PXDNL: variants seen among roughly 807,000 people sequenced by gnomAD.
PXDNL encodes peroxidasin like.
A neutral mutation model predicts 150.8 loss-of-function variants in PXDNL; 145 were observed. That is an observed-to-expected ratio of 0.96 (90% CI 0.84 to 1.10). The LOEUF is 1.10. PXDNL is among the 50% of genes least tolerant of loss of function. The pLI, the probability that PXDNL is intolerant of heterozygous loss-of-function variation, is 0.00. For missense variants in PXDNL, 2,087 were observed against 1,873.9 expected, an observed-to-expected ratio of 1.11 and a Z score of -2.10; for synonymous variants, 757 against 725.7, an observed-to-expected ratio of 1.04 and a Z score of -0.69.
At chr8:51,492,720 T>C (rs752990179) in intron 5 of PXDNL, among the ~76,000 whole-genome samples, 3 of 151,844 alleles carry the variant, frequency 2.0e-5, no homozygotes, top group Non-Finnish European at 2.9e-5. Context: ...TGCAAGGAGG[T>C]AGTGAGGCTG....
chr8:51,497,968 A>G (rs909698422), intron 5 of PXDNL, among the ~76,000 whole-genome samples: 10 of 152,324 alleles, frequency 6.6e-5, no homozygotes, highest in Admixed American at 6.5e-4. Context: ...GCTGCTATAA[A>G]GACACATGCA....
At chr8:51,414,905 T>C (rs1165015772) in intron 14 of PXDNL, among the ~76,000 whole-genome samples, 2 of 152,198 alleles carry the variant, frequency 1.3e-5, no homozygotes, top group Non-Finnish European at 2.9e-5. Flanking sequence ...AAAGTGTCAA[T>C]GAACTACCAT....
intron 2 of PXDNL, among the ~76,000 whole-genome samples, chr8:51,651,133 T>C (rs1276253716): frequency 6.6e-6 from 1 of 152,336 alleles, no homozygotes; most frequent in African/African-American, 2.4e-5. Flanking sequence ...CATTTAACAA[T>C]AATATTAATA....
chr8:51,551,368 C>A (rs1343777603), intron 4 of PXDNL, among the ~76,000 whole-genome samples: 1 of 151,920 alleles, frequency 6.6e-6, no homozygotes, highest in Non-Finnish European at 1.5e-5. Flanking sequence ...CCCACAAAAG[C>A]AAGACTAAGC....
At chr8:51,608,400 A>AAAG (rs57919263) in intron 2 of PXDNL, among the ~76,000 whole-genome samples, 2,032 of 143,038 alleles carry the variant, frequency 0.014, 104 homozygotes, top group African/African-American at 0.053. Context: ...AAAAAAAAAA[A>AAAG]AAAGAAAGAA....
chr8:51,797,496 G>A (rs755516999), intron 1 of PXDNL, among the ~76,000 whole-genome samples: 21 of 152,190 alleles, frequency 1.4e-4, no homozygotes, highest in Non-Finnish European at 2.4e-4. Context: ...CAAAGTCAAT[G>A]TGCAAAAATC....
intron 17 of PXDNL, among the ~76,000 whole-genome samples, chr8:51,392,936 A>G (rs2130843818): frequency 6.6e-6 from 1 of 152,346 alleles, no homozygotes; most frequent in African/African-American, 2.4e-5. Context: ...ATTAGAGAGT[A>G]CACTATTGGG....
At chr8:51,754,815 G>A (rs1028281781) in intron 1 of PXDNL, among the ~76,000 whole-genome samples, 6 of 152,038 alleles carry the variant, frequency 3.9e-5, no homozygotes, top group Admixed American at 6.6e-5. Context: ...AAGTCAAGTC[G>A]TTTCTGACAG....
At chr8:51,533,534 C>T (rs1285166334) in intron 4 of PXDNL, among the ~76,000 whole-genome samples, 4 of 141,892 alleles carry the variant, frequency 2.8e-5, no homozygotes, top group Non-Finnish European at 4.5e-5. Context: ...CGGTCTCCCT[C>T]TGATGCCGAG....
intron 2 of PXDNL, among the ~76,000 whole-genome samples, chr8:51,611,378 G>A (rs1813996214): frequency 1.3e-5 from 2 of 152,154 alleles, no homozygotes; most frequent in African/African-American, 4.8e-5. Context: ...TTTTTTAAGT[G>A]GGATGGTAGT....
rs540543770 is a variant in PXDNL at position 51,408,010 on chromosome 8, T to G, written c.3557+57A>C. 1.0e-5 allele frequency: 15 copies of G among 1,459,236 alleles called. No homozygotes were observed. In the South Asian group the frequency reaches 2.1e-4, roughly 21 times the overall value. 90.4% of individuals were successfully genotyped at this position (1,459,236 alleles called of 1,614,324 possible). A position where few individuals can be genotyped will look rare whatever the true frequency, so the allele number is the denominator to read the frequency against. ...AATTCCAGCCACACAAAATGACCTT[T>G]AACACTTTTACCTCTCCTAAGAAAT... On this transcript the variant is annotated intron_variant, in intron 17 of 22. Coordinates refer to ENST00000356297, the MANE Select transcript of PXDNL (RefSeq NM_144651.5).
At chr8:51,807,979 C>T (rs1337133810) in intron 1 of PXDNL, among the ~76,000 whole-genome samples, 2 of 152,166 alleles carry the variant, frequency 1.3e-5, no homozygotes, top group African/African-American at 2.4e-5. Flanking sequence ...TTCAAGAATC[C>T]TTTCAGTTAT....
At chr8:51,735,149 T>C (rs913281592) in intron 1 of PXDNL, among the ~76,000 whole-genome samples, 1 of 152,224 alleles carries the variant, frequency 6.6e-6, no homozygotes, top group Admixed American at 6.5e-5. Context: ...TCATGTTATA[T>C]GCCATAAATA....
chr8:51,681,689 A>G (rs1022797090), intron 1 of PXDNL, among the ~76,000 whole-genome samples: 1 of 152,256 alleles, frequency 6.6e-6, no homozygotes, highest in Non-Finnish European at 1.5e-5. Context: ...TTAATTGAAA[A>G]GAACACTAGC....
intron 2 of PXDNL, among the ~76,000 whole-genome samples, chr8:51,632,493 C>T (rs1454372158): frequency 6.6e-6 from 1 of 152,106 alleles, no homozygotes; most frequent in East Asian, 1.9e-4. Context: ...GTCCCAGCTA[C>T]TCAGGAGGCT....
intron 21 of PXDNL, among the ~76,000 whole-genome samples, chr8:51,329,907 C>T (rs1488796441): frequency 2.0e-5 from 3 of 152,078 alleles, no homozygotes; most frequent in Admixed American, 1.3e-4. Flanking sequence ...AAGCTGGAGA[C>T]CCAGGAATGT....
At chr8:51,324,653 A>G (rs978416593) in intron 21 of PXDNL, among the ~76,000 whole-genome samples, 2 of 152,012 alleles carry the variant, frequency 1.3e-5, no homozygotes, top group African/African-American at 4.8e-5. Flanking sequence ...AGAATGTATA[A>G]TTGCTAGTCT....
intron 17 of PXDNL, among the ~76,000 whole-genome samples, chr8:51,393,097 C>T (rs111684383): frequency 2.1e-4 from 32 of 152,286 alleles, no homozygotes; most frequent in African/African-American, 7.5e-4. Flanking sequence ...TGTCATGCCG[C>T]TCTGAAATGA....
At chr8:51,350,554 T>C (rs2915459) in intron 19 of PXDNL, among the ~76,000 whole-genome samples, 118,838 of 151,648 alleles carry the variant, frequency 0.78, 46,714 homozygotes, top group East Asian at 0.94. Flanking sequence ...GGGGTTTCAC[T>C]GTGTTGGCCA....
Sources: gnomAD v4.1 joint callset for allele counts (sites outside exome capture counted in the v4.1 genomes callset) on GRCh38, gnomAD v4.1.1 for gene constraint, MANE v1.5 for transcripts, NCBI Gene and HGNC (gene_info 2026-07-23, HGNC 2026-07-21) for gene names.